Variants in RORB observed in about 807,000 individuals in gnomAD.
RORB encodes nuclear receptor ROR-beta.
A neutral mutation model predicts 59.1 loss-of-function variants in RORB; 6 were observed. The observed-to-expected ratio is 0.10, with a 90% CI of 0.06 to 0.20. RORB has a LOEUF of 0.20. Ranked by LOEUF, RORB falls within the 10% of genes least tolerant of loss-of-function variation. RORB has a pLI of 1.00. For synonymous variants in RORB, 215 were observed against 204.5 expected (o/e 1.05, Z -0.44); for missense variants, 320 against 560.5 (o/e 0.57, Z 4.33).
chr9:74,679,915 A>G (rs1456414651), intron 9 of RORB, among the ~76,000 whole-genome samples: 2 of 152,158 alleles, frequency 1.3e-5, no homozygotes, highest in African/African-American at 2.4e-5. Flanking sequence ...AGACTGGCCA[A>G]CATGGTGAAA....
Position 74,665,591 on chromosome 9 carries a change from C to T in RORB, c.996C>T (p.Ala332=), listed in dbSNP as rs1280075980. ...GKYGGMQMFK[A]LGSDDLVNEA... is the part of the protein sequence containing the mutation. ...ATGGAGGAATGCAAATGTTCAAAGC[C>T]TTAGGTAAGTTTCCCTTTGATGAGG... The change falls in exon 7 of 10, where the codon GCC becomes GCT. Residue 332 remains alanine, a synonymous_variant. Coordinates refer to ENST00000376896, the MANE Select transcript of RORB (RefSeq NM_006914.4). 1 of 1,602,420 alleles carries T rather than the reference C, an allele frequency of 6.2e-7. No individual in the cohort carries two copies. Among genetic ancestry groups the T allele is most frequent in the Non-Finnish European group, 8.5e-7 (1 of 1,170,540 alleles).
chr9:74,540,512 G>A (rs946669991), intron 1 of RORB, among the ~76,000 whole-genome samples: 35 of 152,188 alleles, frequency 2.3e-4, no homozygotes, highest in Middle Eastern at 3.4e-3. Context: ...GTAAATCAAC[G>A]CATACAGCAA....
At chr9:74,598,346 C>T (rs1823003961) in intron 1 of RORB, among the ~76,000 whole-genome samples, 1 of 152,002 alleles carries the variant, frequency 6.6e-6, no homozygotes, top group Admixed American at 6.6e-5. Context: ...CCATTTATTC[C>T]CCTGTGAAGA....
chr9:74,602,859 C>T (rs920349659), intron 1 of RORB, among the ~76,000 whole-genome samples: 3 of 152,050 alleles, frequency 2.0e-5, no homozygotes, highest in African/African-American at 4.8e-5. Context: ...TTTATGGTAA[C>T]TATTATTGCT....
chr9:74,675,976 T>A (rs1418770763), intron 9 of RORB, among the ~76,000 whole-genome samples: 1 of 152,208 alleles, frequency 6.6e-6, no homozygotes, highest in African/African-American at 2.4e-5. Flanking sequence ...TCTATTAAAG[T>A]CACTGAGTCT....
At chr9:74,669,183 T>A (rs11144052) in intron 8 of RORB, among the ~76,000 whole-genome samples, 40,787 of 152,134 alleles carry the variant, frequency 0.27, 5,803 homozygotes, top group African/African-American at 0.31. Flanking sequence ...AATATTTTTT[T>A]AAAGTATATA....
chr9:74,659,488 T>TGTTTTGTTTTGTTTTGCTTC (rs1166626674), intron 4 of RORB, among the ~76,000 whole-genome samples: 2 of 152,070 alleles, frequency 1.3e-5, no homozygotes, highest in African/African-American at 4.8e-5. Flanking sequence ...AGGCTTGTTT[T>TGTTTTGTTTTGTTTTGCTTC]GTTTTGTTTT....
chr9:74,505,033 T>C (rs962677012), intron 1 of RORB, among the ~76,000 whole-genome samples: 1 of 152,106 alleles, frequency 6.6e-6, no homozygotes, highest in African/African-American at 2.4e-5. Flanking sequence ...ACAAATGGTA[T>C]TCTGAATTTA....
intron 1 of RORB, among the ~76,000 whole-genome samples, chr9:74,536,286 G>C (rs1826321006): frequency 6.6e-6 from 1 of 151,956 alleles, no homozygotes. Context: ...TTCTGATGAT[G>C]CTGAAGAAGA....
chr9:74,500,415 G>A (rs192427093), intron 1 of RORB, among the ~76,000 whole-genome samples: 26 of 152,280 alleles, frequency 1.7e-4, no homozygotes, highest in African/African-American at 6.3e-4. Context: ...GAACTTGAGA[G>A]TGAACTTGAG....
intron 1 of RORB, among the ~76,000 whole-genome samples, chr9:74,569,965 C>T (rs1822527055): frequency 6.6e-6 from 1 of 151,834 alleles, no homozygotes; most frequent in Non-Finnish European, 1.5e-5. Flanking sequence ...TTTTCTCCTC[C>T]CCTCCTATGT....
intron 1 of RORB, among the ~76,000 whole-genome samples, chr9:74,587,636 TG>T (rs1044926575): frequency 2.0e-5 from 3 of 152,052 alleles, no homozygotes; most frequent in African/African-American, 7.2e-5. Flanking sequence ...CCCACATGTT[TG>T]GGGTTGGGAG....
chr9:74,503,979 T>C (rs1005708474), intron 1 of RORB, among the ~76,000 whole-genome samples: 6 of 152,082 alleles, frequency 3.9e-5, no homozygotes, highest in African/African-American at 1.4e-4. Context: ...TGTGGTTAAC[T>C]AATGGCACTG....
intron 1 of RORB, among the ~76,000 whole-genome samples, chr9:74,605,247 A>T (rs1250094276): frequency 6.6e-6 from 1 of 152,220 alleles, no homozygotes; most frequent in African/African-American, 2.4e-5. Flanking sequence ...AAAAGGTAGA[A>T]AGAAAAAACA....
At chr9:74,670,071 C>T (rs1824324360) in intron 8 of RORB, among the ~76,000 whole-genome samples, 1 of 145,856 alleles carries the variant, frequency 6.9e-6, no homozygotes, top group African/African-American at 2.5e-5. Context: ...TCCTCTAGGC[C>T]TTTTTTTTTT....
chr9:74,683,195 A>G (rs895388215), intron 9 of RORB, among the ~76,000 whole-genome samples: 1 of 152,206 alleles, frequency 6.6e-6, no homozygotes, highest in Non-Finnish European at 1.5e-5. Flanking sequence ...AGATGATTGT[A>G]GAAAGCGTTC....
At chr9:74,638,035 C>T (rs563754015) in intron 3 of RORB, among the ~76,000 whole-genome samples, 12 of 152,114 alleles carry the variant, frequency 7.9e-5, no homozygotes, top group South Asian at 2.1e-4. Flanking sequence ...ACAAAGCCTA[C>T]AGCACTAAAA....
intron 1 of RORB, among the ~76,000 whole-genome samples, chr9:74,551,486 C>A (rs75657768): frequency 2.0e-5 from 3 of 152,118 alleles, no homozygotes; most frequent in African/African-American, 7.2e-5. Flanking sequence ...ATGTCCCAGA[C>A]GAGACAGAGC....
At chr9:74,545,939 T>C (rs1387835462) in intron 1 of RORB, among the ~76,000 whole-genome samples, 5 of 152,172 alleles carry the variant, frequency 3.3e-5, no homozygotes, top group Admixed American at 2.0e-4. Flanking sequence ...TCTAACAAAA[T>C]GCAAAGGCGT....
Sources: gnomAD v4.1 joint callset for allele counts (sites outside exome capture counted in the v4.1 genomes callset) on GRCh38, gnomAD v4.1.1 for gene constraint, MANE v1.5 for transcripts, NCBI Gene and HGNC (gene_info 2026-07-23, HGNC 2026-07-21) for gene names.